Variants in SYCP1 observed in about 807,000 individuals in gnomAD.
SYCP1 encodes cancer/testis antigen 8.
Under a neutral mutation model 153.1 loss-of-function variants are expected in SYCP1, and 64 were observed. The observed-to-expected ratio is 0.42, with a 90% CI of 0.34 to 0.51. The LOEUF (loss-of-function observed/expected upper bound fraction) is 0.51. Ranked by LOEUF, SYCP1 falls within the 20% of genes least tolerant of loss-of-function variation. The pLI is 0.06. For synonymous variants in SYCP1, 384 were observed against 341.8 expected (o/e 1.12, Z -1.36); for missense variants, 997 against 1,049.0 (o/e 0.95, Z 0.68).
At chr1:114,871,663 C>A (rs1665137012) in intron 8 of SYCP1, among the ~76,000 whole-genome samples, 1 of 152,046 alleles carries the variant, frequency 6.6e-6, no homozygotes, top group Admixed American at 6.5e-5. Flanking sequence ...ACCTCCGCCT[C>A]CTGGGTTCAA....
At chr1:114,869,313 G>C (rs920458165) in intron 8 of SYCP1, among the ~76,000 whole-genome samples, 1 of 152,108 alleles carries the variant, frequency 6.6e-6, no homozygotes, top group African/African-American at 2.4e-5. Context: ...AAGTGTCTTG[G>C]TTATTCTCCA....
At chr1:114,882,634 T>G (rs902680895) in intron 12 of SYCP1, among the ~76,000 whole-genome samples, 1 of 152,180 alleles carries the variant, frequency 6.6e-6, no homozygotes, top group Admixed American at 6.5e-5. Context: ...GTACCTTGTT[T>G]GCTTGTGTGC....
intron 27 of SYCP1, among the ~76,000 whole-genome samples, chr1:114,958,519 T>G (rs1671575175): frequency 6.6e-6 from 1 of 152,134 alleles, no homozygotes; most frequent in Non-Finnish European, 1.5e-5. Context: ...TTATTATGTA[T>G]CATATACAGA....
intron 16 of SYCP1, among the ~76,000 whole-genome samples, chr1:114,909,227 G>C (rs1668017794): frequency 6.6e-6 from 1 of 151,972 alleles, no homozygotes; most frequent in Non-Finnish European, 1.5e-5. Context: ...GTGGGTCCCA[G>C]GGCTCCTTTC....
At chr1:114,915,800 G>A (rs1668476450) in intron 20 of SYCP1, among the ~76,000 whole-genome samples, 1 of 152,126 alleles carries the variant, frequency 6.6e-6, no homozygotes, top group South Asian at 2.1e-4. Context: ...AAGTTAATTT[G>A]GTTTTGTATA....
rs1570678218 is a variant in SYCP1 at position 114,875,972 on chromosome 1, T to C, written c.658-97T>C. ...TATTCCAAATTGTGTGGTTTTAAAT[T>C]TAATGATCACATGATACAAATTTGG... On this transcript the variant is annotated intron_variant, in intron 9 of 31. Coordinates refer to ENST00000369522, the MANE Select transcript of SYCP1 (RefSeq NM_003176.4). The C allele has an allele frequency of 4.1e-6, 3 of 739,120 alleles. No individual in the cohort carries two copies. The East Asian group carries it at 8.9e-5, about 22-fold the overall frequency. 45.8% of individuals were successfully genotyped at this position (739,120 alleles called of 1,614,324 possible). A position where few individuals can be genotyped will look rare whatever the true frequency, so the allele number is the denominator to read the frequency against.
At chr1:114,951,602 T>A (rs1478343229) in intron 27 of SYCP1, among the ~76,000 whole-genome samples, 1 of 152,212 alleles carries the variant, frequency 6.6e-6, no homozygotes, top group African/African-American at 2.4e-5. Context: ...TATTTTGAGA[T>A]AATTGTAGAT....
intron 28 of SYCP1, 66 bp from the exon 29 acceptor site, chr1:114,981,270 T>C: frequency 1.1e-5 from 14 of 1,280,198 alleles, no homozygotes; most frequent in Non-Finnish European, 1.5e-5. Flanking sequence ...TGCACTTTAA[T>C]TAAAGAAATA....
intron 23 of SYCP1, among the ~76,000 whole-genome samples, chr1:114,934,812 G>A (rs1220166974): frequency 6.6e-6 from 1 of 152,118 alleles, no homozygotes; most frequent in Non-Finnish European, 1.5e-5. Context: ...AGACAAAGAA[G>A]ACCATAGCAT....
At chr1:114,888,109 T>G (rs1367973779) in intron 15 of SYCP1, among the ~76,000 whole-genome samples, 1 of 152,140 alleles carries the variant, frequency 6.6e-6, no homozygotes, top group Non-Finnish European at 1.5e-5. Context: ...TGATCCTATT[T>G]TATCATAAGG....
intron 25 of SYCP1, among the ~76,000 whole-genome samples, chr1:114,945,586 A>T (rs1670657929): frequency 6.6e-6 from 1 of 151,796 alleles, no homozygotes; most frequent in Non-Finnish European, 1.5e-5. Flanking sequence ...AACATTGTGA[A>T]CTCATAGATT....
At chr1:114,877,554 A>G in intron 11 of SYCP1, among the ~76,000 whole-genome samples, 1 of 152,236 alleles carries the variant, frequency 6.6e-6, no homozygotes, top group Admixed American at 6.5e-5. Context: ...TAAAAACCAC[A>G]AAAATAGAGT....
At chr1:114,976,557 C>T (rs971597536) in intron 27 of SYCP1, among the ~76,000 whole-genome samples, 2 of 148,226 alleles carry the variant, frequency 1.3e-5, no homozygotes, top group African/African-American at 2.4e-5. Flanking sequence ...GATGGTTTCT[C>T]CCGTCTGTCC....
intron 27 of SYCP1, among the ~76,000 whole-genome samples, chr1:114,965,465 G>A (rs972112872): frequency 2.0e-5 from 3 of 152,072 alleles, no homozygotes; most frequent in Admixed American, 6.6e-5. Flanking sequence ...TCCAGGTTTG[G>A]CCTATTCAGT....
intron 27 of SYCP1, among the ~76,000 whole-genome samples, chr1:114,965,099 G>A (rs907258042): frequency 4.6e-5 from 7 of 151,968 alleles, no homozygotes; most frequent in Admixed American, 6.6e-5. Context: ...AGTTGTATTC[G>A]TAGGTATTTT....
At chr1:114,883,166 T>C (rs923462001) in intron 12 of SYCP1, among the ~76,000 whole-genome samples, 2 of 152,196 alleles carry the variant, frequency 1.3e-5, no homozygotes, top group Non-Finnish European at 2.9e-5. Context: ...TAATATTTGA[T>C]CTTGAATTTT....
At chr1:114,868,866 A>T (rs1664931195) in intron 8 of SYCP1, among the ~76,000 whole-genome samples, 1 of 152,194 alleles carries the variant, frequency 6.6e-6, no homozygotes, top group Non-Finnish European at 1.5e-5. Flanking sequence ...TCATTTTAAC[A>T]TCCATGAGGT....
At chr1:114,952,180 A>C (rs1671150607) in intron 27 of SYCP1, among the ~76,000 whole-genome samples, 1 of 152,138 alleles carries the variant, frequency 6.6e-6, no homozygotes. Flanking sequence ...ACTACCTAAG[A>C]ATACAATTGC....
At chr1:114,938,228 C>T (rs61811049) in intron 23 of SYCP1, among the ~76,000 whole-genome samples, 18 of 151,998 alleles carry the variant, frequency 1.2e-4, no homozygotes, top group South Asian at 1.0e-3. Context: ...TAAAAAAGGA[C>T]GAGTTCATGT....
Sources: allele counts gnomAD v4.1 joint callset (sites outside exome capture counted in the v4.1 genomes callset), GRCh38; gene constraint gnomAD v4.1.1; transcripts MANE v1.5; gene names NCBI Gene and HGNC (gene_info 2026-07-23, HGNC 2026-07-21).